CSMD3: variants seen among roughly 807,000 people sequenced by gnomAD.
CSMD3 encodes CUB and Sushi multiple domains 3, also known as CUB and sushi domain-containing protein 3.
CSMD3 carries 177 observed loss-of-function variants against 435.2 expected under a neutral mutation model. The ratio of observed to expected loss-of-function variants is 0.41; its 90% CI spans 0.36 to 0.46. CSMD3 has a LOEUF of 0.46. Among genes scored for constraint, CSMD3 ranks in the 20% least tolerant of loss-of-function variants. The pLI, the probability that CSMD3 is intolerant of heterozygous loss-of-function variation, is 0.34. For missense variants in CSMD3, 4,265 were observed against 4,504.6 expected (o/e 0.95, Z 1.52); for synonymous variants, 1,656 against 1,520.5 (o/e 1.09, Z -2.07).
chr8:112,958,412 C>T lies in CSMD3; in HGVS notation c.1343-3651G>A, dbSNP rs78442408. Among the ~76,000 whole-genome samples, 1,004 of 152,176 alleles carry T rather than the reference C, an allele frequency of 6.6e-3. 11 individuals are homozygous for T. The highest frequency in any genetic ancestry group is 0.023 in the African/African-American group (962 of 41,510). On this transcript the variant is annotated intron_variant, in intron 7 of 70. Coordinates refer to ENST00000297405, the MANE Select transcript of CSMD3 (RefSeq NM_198123.2). ...AGGCCTGGCAGGGAAGAATATCAGG[C>T]CAGCAATCAAATCCCTCTTTATTTA... is the stretch of plus-strand genomic sequence containing the variant.
At chr8:112,320,837 T>C (rs1053209546) in intron 45 of CSMD3, among the ~76,000 whole-genome samples, 1 of 152,164 alleles carries the variant, frequency 6.6e-6, no homozygotes, top group Non-Finnish European at 1.5e-5. Flanking sequence ...CTAGATAGCC[T>C]GGCTCCAGAG....
At chr8:112,837,979 A>G (rs1030750035) in intron 11 of CSMD3, among the ~76,000 whole-genome samples, 12 of 151,796 alleles carry the variant, frequency 7.9e-5, no homozygotes, top group African/African-American at 2.7e-4. Flanking sequence ...TATACATTCT[A>G]TACCTTGGCA....
chr8:112,424,876 G>T (rs1277353973), intron 32 of CSMD3, among the ~76,000 whole-genome samples: 1 of 152,104 alleles, frequency 6.6e-6, no homozygotes, highest in African/African-American at 2.4e-5. Flanking sequence ...ATTTTCAGTA[G>T]AGACGGGGTT....
At chr8:113,168,006 G>A (rs1004843171) in intron 4 of CSMD3, among the ~76,000 whole-genome samples, 11 of 152,052 alleles carry the variant, frequency 7.2e-5, no homozygotes, top group South Asian at 4.2e-4. Context: ...CAGTCAAACC[G>A]TCAATGCTTC....
chr8:112,906,337 C>G (rs540003571), intron 10 of CSMD3, among the ~76,000 whole-genome samples: 32 of 151,396 alleles, frequency 2.1e-4, no homozygotes, highest in Admixed American at 7.9e-4. Context: ...GAACCCCCAT[C>G]AGGCAGTGCA....
At position 112,292,567 on chromosome 8, in the gene CSMD3, G is replaced by C. The variant is rs770957774; in HGVS notation, c.8758C>G (p.Gln2920Glu). 6.2e-7 allele frequency: 1 copy of C among 1,613,780 alleles called. No individual in the cohort carries two copies. Among genetic ancestry groups the C allele is most frequent in the East Asian group, 2.2e-5 (1 of 44,842 alleles). Residue 2920 changes from glutamine to glutamate, a missense_variant, in exon 55 of 71, where the codon CAG becomes GAG. By Grantham distance (29) the Gln-to-Glu change is conservative (BLOSUM62 2). Transcript: ENST00000297405. ...CACATAGGTGGAGGATGGCTCCACT[G>C]TCTGTTGGCCTGGCACTGTGCCTTT... ...PTKAQCQANR[Q>E]WSHPPPMCKV...
At chr8:112,530,238 C>G (rs184113063) in intron 27 of CSMD3, among the ~76,000 whole-genome samples, 199 of 152,200 alleles carry the variant, frequency 1.3e-3, no homozygotes, top group Non-Finnish European at 2.3e-3. Context: ...ACAGTTTACT[C>G]AAATAAATAA....
chr8:112,238,490 T>C (rs1461500618), intron 66 of CSMD3, among the ~76,000 whole-genome samples: 1 of 151,916 alleles, frequency 6.6e-6, no homozygotes, highest in Non-Finnish European at 1.5e-5. Context: ...AATTTCTATT[T>C]CCATGATAAT....
intron 28 of CSMD3, among the ~76,000 whole-genome samples, chr8:112,507,219 A>T (rs760371593): frequency 3.3e-5 from 5 of 152,228 alleles, no homozygotes; most frequent in African/African-American, 4.8e-5. Context: ...AAATAGAAAA[A>T]TAAGACATGA....
At chr8:113,183,360 A>G (rs750238972) in intron 3 of CSMD3, among the ~76,000 whole-genome samples, 11 of 151,972 alleles carry the variant, frequency 7.2e-5, no homozygotes, top group Non-Finnish European at 1.5e-4. Context: ...AAAACTTACT[A>G]GGAATTAATT....
intron 1 of CSMD3, chr8:113,376,627 C>A: frequency 1.7e-6 from 2 of 1,207,890 alleles, no homozygotes; most frequent in Non-Finnish European, 2.4e-6. Context: ...AGAAAGTTTA[C>A]CACTCTCTCT....
chr8:112,382,562 A>C (rs865957982), intron 37 of CSMD3, among the ~76,000 whole-genome samples: 2 of 152,324 alleles, frequency 1.3e-5, no homozygotes, highest in Middle Eastern at 6.8e-3. Flanking sequence ...TGAGTAAGTT[A>C]ATATGTTAGC....
At chr8:113,013,701 C>T (rs2086344768) in intron 6 of CSMD3, among the ~76,000 whole-genome samples, 1 of 152,006 alleles carries the variant, frequency 6.6e-6, no homozygotes, top group South Asian at 2.1e-4. Context: ...CTGGCTCCAA[C>T]CATTTTTCTT....
chr8:112,501,163 C>T (rs1319111690), intron 30 of CSMD3, among the ~76,000 whole-genome samples: 1 of 151,592 alleles, frequency 6.6e-6, no homozygotes, highest in African/African-American at 2.4e-5. Flanking sequence ...TGTCCCTGTC[C>T]TTAATCTTCT....
intron 12 of CSMD3, among the ~76,000 whole-genome samples, chr8:112,818,758 C>T (rs1460356732): frequency 6.6e-6 from 1 of 152,028 alleles, no homozygotes; most frequent in Non-Finnish European, 1.5e-5. Flanking sequence ...AATCTGTGTC[C>T]CTTCTCCACC....
chr8:112,875,392 T>C (rs938443970), intron 10 of CSMD3, among the ~76,000 whole-genome samples: 1 of 152,122 alleles, frequency 6.6e-6, no homozygotes, highest in Non-Finnish European at 1.5e-5. Context: ...GACGATTATA[T>C]TTCTTGGGGT....
chr8:113,116,232 G>C (rs2090824404), intron 4 of CSMD3, among the ~76,000 whole-genome samples: 1 of 152,186 alleles, frequency 6.6e-6, no homozygotes, highest in South Asian at 2.1e-4. Flanking sequence ...CACATGTCAT[G>C]AGAAGGACCT....
Position 113,232,729 on chromosome 8 carries a change from G to C in CSMD3, c.514+45863C>G, listed in dbSNP as rs34982669. Among the ~76,000 whole-genome samples the C allele has an allele frequency of 6.6e-3, 1,001 of 151,692 alleles. 8 individuals are homozygous for C. The highest frequency in any genetic ancestry group is 0.011 in the Non-Finnish European group (755 of 67,736). ...AATCAAATACCTTGCCTTCACTATAGCATTTGATTACCCGTAAGTGCCATT... is the reference window on the plus strand; with the variant it reads ...AATCAAATACCTTGCCTTCACTATACCATTTGATTACCCGTAAGTGCCATT... On this transcript the variant is annotated intron_variant, in intron 3 of 70. Coordinates refer to ENST00000297405, the MANE Select transcript of CSMD3 (RefSeq NM_198123.2).
chr8:112,781,653 C>T (rs939117191), intron 13 of CSMD3, among the ~76,000 whole-genome samples: 2 of 152,088 alleles, frequency 1.3e-5, no homozygotes, highest in Non-Finnish European at 2.9e-5. Flanking sequence ...TCAGCTGTGA[C>T]CCAACATAGC....
Sources: gnomAD v4.1 joint callset for allele counts (sites outside exome capture counted in the v4.1 genomes callset) on GRCh38, gnomAD v4.1.1 for gene constraint, MANE v1.5 for transcripts, NCBI Gene and HGNC (gene_info 2026-07-23, HGNC 2026-07-21) for gene names.